Variants in HAO1 observed in about 807,000 individuals in gnomAD.
The protein encoded by HAO1 is 2-Hydroxyacid oxidase 1.
In HAO1, 34 loss-of-function variants were observed where a neutral mutation model predicts 39.7. That is an observed-to-expected ratio of 0.86 (90% confidence interval 0.65 to 1.14). The LOEUF (loss-of-function observed/expected upper bound fraction) is 1.14. Ranked by LOEUF, HAO1 falls within the 50% of genes most tolerant of loss-of-function variation. HAO1 has a pLI of 0.00. For synonymous variants in HAO1, 172 were observed against 173.2 expected (o/e 0.99, Z 0.05); for missense variants, 479 against 464.5 (o/e 1.03, Z -0.29).
At chr20:7,903,877 G>A (rs957145784) in intron 4 of HAO1, among the ~76,000 whole-genome samples, 6 of 147,702 alleles carry the variant, frequency 4.1e-5, no homozygotes, top group East Asian at 2.0e-4. Context: ...TGGTGGTGGT[G>A]GTGGTGGTGG....
chr20:7,904,905 G>A (rs543380087), intron 4 of HAO1, among the ~76,000 whole-genome samples: 1 of 152,280 alleles, frequency 6.6e-6, no homozygotes, highest in Admixed American at 6.5e-5. Flanking sequence ...TAACAACATG[G>A]ATGCAAGTAA....
rs777875443 is a variant in HAO1, at chr20:7,914,423, A to G, written c.290-4T>C. The G allele has an allele frequency of 6.2e-7, 1 of 1,612,490 alleles. No homozygotes were observed. The highest frequency in any genetic ancestry group is 1.3e-5 in the African/African-American group (1 of 74,894). On this transcript the variant is annotated splice_polypyrimidine_tract_variant and splice_region_variant and intron_variant, in intron 2 of 7. Coordinates refer to ENST00000378789, the MANE Select transcript of HAO1 (RefSeq NM_017545.3). ...CCCGTTCCCAGGGACTGACAGGCTGAGAAAGAAAGGGGATGATCAAGATGG... is the reference window on the plus strand; with the variant it reads ...CCCGTTCCCAGGGACTGACAGGCTGGGAAAGAAAGGGGATGATCAAGATGG...
chr20:7,894,266 C>T (rs576370120), intron 5 of HAO1, among the ~76,000 whole-genome samples: 4 of 152,262 alleles, frequency 2.6e-5, no homozygotes, highest in East Asian at 3.9e-4. Flanking sequence ...GTGCCTCTGT[C>T]GGTTTTCTTG....
intron 3 of HAO1, among the ~76,000 whole-genome samples, chr20:7,908,344 C>T (rs1420596179): frequency 6.6e-6 from 1 of 151,072 alleles, no homozygotes; most frequent in Non-Finnish European, 1.5e-5. Context: ...TGAGCAACTC[C>T]AGCCACTGCA....
At chr20:7,917,622 C>T (rs948150820) in intron 2 of HAO1, among the ~76,000 whole-genome samples, 3 of 152,116 alleles carry the variant, frequency 2.0e-5, no homozygotes, top group Admixed American at 6.6e-5. Context: ...TGGGAAGGTC[C>T]TCCGTACACT....
In HAO1 at chr20:7,940,431, G is replaced by C; in HGVS notation, c.-9C>G. 6.3e-7 allele frequency: 1 copy of C among 1,589,802 alleles called. No homozygotes were observed. The highest frequency in any genetic ancestry group is 8.5e-7 in the Non-Finnish European group (1 of 1,172,346). On this transcript the variant is annotated 5_prime_UTR_variant, in exon 1 of 8. Coordinates refer to ENST00000378789, the MANE Select transcript of HAO1 (RefSeq NM_017545.3). Reference sequence around the variant, plus strand: ...ATTAGCCGGGGGAGCATTTTCACAGGTTATTGCTATCCCAGATGGAGTTCG... The same window carrying C: ...ATTAGCCGGGGGAGCATTTTCACAGCTTATTGCTATCCCAGATGGAGTTCG...
chr20:7,909,592 C>G (rs1307498616), intron 3 of HAO1, among the ~76,000 whole-genome samples: 1 of 151,066 alleles, frequency 6.6e-6, no homozygotes, highest in Non-Finnish European at 1.5e-5. Context: ...CTCAAATATA[C>G]TTTTTAATAT....
chr20:7,909,345 TTATTCGGATTATGACATA>T, intron 3 of HAO1, among the ~76,000 whole-genome samples: 1 of 130,408 alleles, frequency 7.7e-6, no homozygotes, highest in East Asian at 2.3e-4. Flanking sequence ...AATGCTATTT[TTATTCGGATTATGACATA>T]TATATATATA....
intron 5 of HAO1, among the ~76,000 whole-genome samples, chr20:7,886,243 G>A (rs908026118): frequency 5.3e-5 from 8 of 151,592 alleles, no homozygotes; most frequent in African/African-American, 7.3e-5. Flanking sequence ...TTGTGATCTC[G>A]GCTCACTGCA....
intron 5 of HAO1, among the ~76,000 whole-genome samples, chr20:7,886,212 C>T (rs563076431): frequency 6.6e-6 from 1 of 151,722 alleles, no homozygotes; most frequent in South Asian, 2.1e-4. Context: ...CTTGCTCTGT[C>T]CCCCAGGCTG....
chr20:7,936,950 T>C (rs1359230257), intron 1 of HAO1, among the ~76,000 whole-genome samples: 2 of 152,134 alleles, frequency 1.3e-5, no homozygotes, highest in East Asian at 3.9e-4. Flanking sequence ...ATACATAAAA[T>C]AGCACCTCAC....
intron 1 of HAO1, among the ~76,000 whole-genome samples, chr20:7,939,892 T>C (rs79678705): frequency 0.011 from 1,647 of 152,266 alleles, 23 homozygotes; most frequent in African/African-American, 0.037. Context: ...GAGCCAACAA[T>C]CCAGTCTGGT....
chr20:7,883,317 G>A lies in HAO1; in HGVS notation c.*276C>T. ...AGGATACAGCACTTTAGCCTGCCAGGGGATGACGTTGTCTAAACACATTTT... is the reference window on the plus strand; with the variant it reads ...AGGATACAGCACTTTAGCCTGCCAGAGGATGACGTTGTCTAAACACATTTT... On this transcript the variant is annotated 3_prime_UTR_variant, in exon 8 of 8. Transcript: ENST00000378789. 2.3e-6 allele frequency: 1 copy of A among 443,688 alleles called. No homozygotes were observed. Among genetic ancestry groups the A allele is most frequent in the Admixed American group, 3.5e-5 (1 of 28,842 alleles). 27.5% of individuals were successfully genotyped at this position (443,688 alleles called of 1,614,324 possible). A position where few individuals can be genotyped will look rare whatever the true frequency, so the allele number is the denominator to read the frequency against.
chr20:7,903,873 T>TGGC (rs2050235036), intron 4 of HAO1, among the ~76,000 whole-genome samples: 1 of 126,968 alleles, frequency 7.9e-6, no homozygotes, highest in Admixed American at 8.5e-5. Context: ...GTGGTGGTGG[T>TGGC]GGTGGTGGTG....
In HAO1 at chr20:7,927,170, A is replaced by T. The variant is rs1013100655; in HGVS notation, c.289+7314T>A. On this transcript the variant is annotated intron_variant, in intron 2 of 7. Transcript: ENST00000378789. ...GTTTCCATGGCAATGTTCTTAAAGC[A>T]CCAAATGGTATAGTAAGCATTTTAT... Among the ~76,000 whole-genome samples the T allele has an allele frequency of 2.6e-5, 4 of 152,186 alleles. No individual in the cohort carries two copies. In the South Asian group the frequency reaches 8.3e-4, roughly 31 times the overall value.
chr20:7,909,024 C>T (rs999262047), intron 3 of HAO1, among the ~76,000 whole-genome samples: 5 of 152,032 alleles, frequency 3.3e-5, no homozygotes, highest in Non-Finnish European at 7.4e-5. Context: ...TGTATGTAGT[C>T]TGCATGGCAC....
At chr20:7,931,470 C>T (rs1372795388) in intron 2 of HAO1, among the ~76,000 whole-genome samples, 1 of 152,140 alleles carries the variant, frequency 6.6e-6, no homozygotes, top group South Asian at 2.1e-4. Context: ...ATGAATTGTG[C>T]ATCCCTAGGC....
intron 1 of HAO1, among the ~76,000 whole-genome samples, chr20:7,936,651 A>T (rs909754593): frequency 3.3e-5 from 5 of 151,976 alleles, no homozygotes; most frequent in African/African-American, 9.7e-5. Flanking sequence ...CAGTGGCTTT[A>T]CACTTGTCCA....
chr20:7,904,368 A>G (rs1215540751), intron 4 of HAO1, among the ~76,000 whole-genome samples: 1 of 152,226 alleles, frequency 6.6e-6, no homozygotes, highest in African/African-American at 2.4e-5. Context: ...AAATGCTTAT[A>G]TGATGAGGTT....
Sources: gnomAD v4.1 joint callset for allele counts (sites outside exome capture counted in the v4.1 genomes callset) on GRCh38, gnomAD v4.1.1 for gene constraint, MANE v1.5 for transcripts, NCBI Gene and HGNC (gene_info 2026-07-23, HGNC 2026-07-21) for gene names.